The following NBEAL1 variants were observed in gnomAD, a reference collection of about 807,000 sequenced individuals.
The protein encoded by NBEAL1 is neurobeachin-like protein 1.
In NBEAL1, 273 loss-of-function variants were observed where a neutral mutation model predicts 351.3. The observed-to-expected ratio is 0.78, with a 90% CI of 0.70 to 0.86. The LOEUF (loss-of-function observed/expected upper bound fraction) is 0.86, where lower values mean the gene tolerates loss of function less well. Among genes scored for constraint, NBEAL1 ranks in the 40% least tolerant of loss-of-function variants. The pLI is 0.00. For synonymous variants in NBEAL1, 1,050 were observed against 1,086.4 expected, an observed-to-expected ratio of 0.97 and a Z score of 0.66; for missense variants, 2,961 against 3,201.3, an observed-to-expected ratio of 0.92 and a Z score of 1.81.
chr2:203,035,460 C>T (rs2061027722), intron 2 of NBEAL1, among the ~76,000 whole-genome samples: 2 of 149,566 alleles, frequency 1.3e-5, no homozygotes, highest in Non-Finnish European at 1.5e-5. Flanking sequence ...TATTTAAGTA[C>T]AGAATCAATG....
chr2:203,092,379 C>A (rs532322302), intron 10 of NBEAL1, among the ~76,000 whole-genome samples: 1 of 151,330 alleles, frequency 6.6e-6, no homozygotes, highest in East Asian at 1.9e-4. Flanking sequence ...TATGGTGAAA[C>A]CCTGTCTCTA....
At chr2:203,067,353 AG>A (rs1352326628) in intron 6 of NBEAL1, among the ~76,000 whole-genome samples, 16 of 152,254 alleles carry the variant, frequency 1.1e-4, no homozygotes, top group Non-Finnish European at 1.6e-4. Context: ...AGATTTAGAA[AG>A]CAGTGCAGTA....
chr2:203,162,384 C>T (rs1283080536), intron 36 of NBEAL1, among the ~76,000 whole-genome samples: 1 of 151,980 alleles, frequency 6.6e-6, no homozygotes, highest in Non-Finnish European at 1.5e-5. Context: ...GTAGCTATGT[C>T]CCAAATATAT....
chr2:203,136,284 TTA>T, intron 28 of NBEAL1, 32 bp downstream of exon 28: 1 of 1,422,444 alleles, frequency 7.0e-7, no homozygotes. Flanking sequence ...AATGTTGTTT[TTA>T]TTTTCATGTC....
At chr2:203,084,654 C>G in intron 10 of NBEAL1, 85 bp downstream of exon 10, 2 of 672,112 alleles carry the variant, frequency 3.0e-6, no homozygotes, top group Non-Finnish European at 4.5e-6. Flanking sequence ...CATATTTTTA[C>G]TAATTTTTAT....
rs1468734804 is a variant in NBEAL1 at position 203,149,131 on chromosome 2, G to A, written c.5445G>A (p.Arg1815=). ...KAIQLYLTCE[R]GPWAKRKQNP... ...TACAGCTCTATCTTACATGTGAAAG[G>A]GGACCTTGGGCTAAAAGGTAAGAGG... Residue 1815 remains arginine, a synonymous_variant, in exon 34 of 56, where the codon AGG becomes AGA. Transcript: ENST00000683969. 2 of 1,598,966 alleles carry A rather than the reference G, an allele frequency of 1.3e-6. No individual in the cohort carries two copies. The highest frequency in any genetic ancestry group is 1.7e-6 in the Non-Finnish European group (2 of 1,171,710).
intron 2 of NBEAL1, among the ~76,000 whole-genome samples, chr2:203,039,194 C>T (rs144102620): frequency 0.43 from 48,036 of 111,436 alleles, 14,882 homozygotes; most frequent in Middle Eastern, 0.69. Flanking sequence ...CCTTTTCTTT[C>T]CTTTCCTTTC....
intron 36 of NBEAL1, among the ~76,000 whole-genome samples, chr2:203,165,756 T>A (rs1012279542): frequency 6.6e-6 from 1 of 152,128 alleles, no homozygotes; most frequent in Admixed American, 6.6e-5. Flanking sequence ...GTGATTTATA[T>A]TTGAGGCCAG....
intron 33 of NBEAL1, among the ~76,000 whole-genome samples, chr2:203,145,966 A>G (rs1026826679): frequency 2.0e-5 from 3 of 151,924 alleles, no homozygotes; most frequent in Non-Finnish European, 4.4e-5. Context: ...CAAAATATCA[A>G]TAAAACAGAT....
intron 34 of NBEAL1, 135 bp from the exon 35 acceptor site, chr2:203,151,329 CT>C: frequency 1.7e-6 from 1 of 580,876 alleles, no homozygotes; most frequent in Non-Finnish European, 2.7e-6. Context: ...GAGACTCTGT[CT>C]CTGAAAAATA....
intron 6 of NBEAL1, among the ~76,000 whole-genome samples, chr2:203,058,063 C>T (rs2061434810): frequency 6.6e-6 from 1 of 151,988 alleles, no homozygotes; most frequent in South Asian, 2.1e-4. Context: ...AGGATGGTCT[C>T]GATCTCCTGA....
chr2:203,109,260 G>C (rs1207031196), intron 14 of NBEAL1, among the ~76,000 whole-genome samples: 1 of 152,034 alleles, frequency 6.6e-6, no homozygotes, highest in African/African-American at 2.4e-5. Flanking sequence ...GGGAGGCTGA[G>C]GTACAAGAAT....
At chr2:203,208,884 G>A in intron 52 of NBEAL1, 131 bp downstream of exon 52, 1 of 673,462 alleles carries the variant, frequency 1.5e-6, no homozygotes, top group Non-Finnish European at 2.4e-6. Flanking sequence ...ATAGGACTTT[G>A]CAAAAGTAGA....
At chr2:203,133,229 T>C in intron 27 of NBEAL1, 83 bp downstream of exon 27, 2 of 560,544 alleles carry the variant, frequency 3.6e-6, no homozygotes, top group Non-Finnish European at 6.0e-6. Flanking sequence ...TTGCAGCAGA[T>C]ACAAGTTTTC....
rs1345719990 is a variant in NBEAL1, at chr2:203,130,496, A to C, written c.3564+20A>C. 18 of 1,381,480 alleles carry C rather than the reference A, an allele frequency of 1.3e-5. No individual in the cohort carries two copies. Among genetic ancestry groups the C allele is most frequent in the Non-Finnish European group, 1.6e-5 (17 of 1,067,258 alleles). 85.6% of individuals were successfully genotyped at this position (1,381,480 alleles called of 1,614,324 possible). A position where few individuals can be genotyped will look rare whatever the true frequency, so the allele number is the denominator to read the frequency against. Reference sequence around the variant, plus strand: ...TTTAAGGTACAAACATTTCTTAAACATCTTTGTATTTTGAGGCGTTTGTGG... The same window carrying C: ...TTTAAGGTACAAACATTTCTTAAACCTCTTTGTATTTTGAGGCGTTTGTGG... On this transcript the variant is annotated intron_variant, in intron 25 of 55. Coordinates refer to ENST00000683969, the MANE Select transcript of NBEAL1 (RefSeq NM_001378026.1).
intron 55 of NBEAL1, chr2:203,213,940 C>A: frequency 4.0e-6 from 1 of 249,506 alleles, no homozygotes; most frequent in Non-Finnish European, 6.4e-6. Context: ...ATTTTCAATA[C>A]ATAAGAGCCT....
At chr2:203,055,110 T>A (rs1452253992) in intron 4 of NBEAL1, among the ~76,000 whole-genome samples, 1 of 152,182 alleles carries the variant, frequency 6.6e-6, no homozygotes, top group Non-Finnish European at 1.5e-5. Flanking sequence ...AATTTTTCAC[T>A]TCCTTATTAA....
At chr2:203,069,542 G>A (rs542463891) in intron 7 of NBEAL1, among the ~76,000 whole-genome samples, 1 of 152,334 alleles carries the variant, frequency 6.6e-6, no homozygotes, top group African/African-American at 2.4e-5. Flanking sequence ...GAGCCACTTG[G>A]CTTAGAAGTA....
chr2:203,121,617 A>G (rs1380012322), intron 18 of NBEAL1, among the ~76,000 whole-genome samples: 5 of 148,522 alleles, frequency 3.4e-5, no homozygotes, highest in Non-Finnish European at 4.5e-5. Context: ...ACACCACTGC[A>G]CTCTAGCCTG....
Sources: allele counts gnomAD v4.1 joint callset (sites outside exome capture counted in the v4.1 genomes callset), GRCh38; gene constraint gnomAD v4.1.1; transcripts MANE v1.5; gene names NCBI Gene and HGNC (gene_info 2026-07-23, HGNC 2026-07-21).